The following TULP4 variants were observed in gnomAD, a reference collection of about 807,000 sequenced individuals.
The protein encoded by TULP4 is tubby-related protein 4.
Under a neutral mutation model 129.0 loss-of-function variants are expected in TULP4, and 16 were observed. That is an observed-to-expected ratio of 0.12 (90% confidence interval 0.08 to 0.19). TULP4 has a LOEUF of 0.19. Ranked by LOEUF, TULP4 falls within the 10% of genes least tolerant of loss-of-function variation. The pLI, the probability that TULP4 is intolerant of heterozygous loss-of-function variation, is 1.00. For synonymous variants in TULP4, 998 were observed against 854.0 expected, an observed-to-expected ratio of 1.17 and a Z score of -2.94; for missense variants, 1,842 against 2,059.1, an observed-to-expected ratio of 0.89 and a Z score of 2.04.
At chr6:158,405,283 G>A (rs1011588053) in intron 1 of TULP4, among the ~76,000 whole-genome samples, 2 of 152,184 alleles carry the variant, frequency 1.3e-5, no homozygotes, top group Non-Finnish European at 2.9e-5. Context: ...CACCTGTTGG[G>A]GTGATCAGAC....
At chr6:158,499,441 T>C (rs1780398902) in intron 12 of TULP4, among the ~76,000 whole-genome samples, 1 of 152,258 alleles carries the variant, frequency 6.6e-6, no homozygotes, top group South Asian at 2.1e-4. Flanking sequence ...CATAGCATCT[T>C]AAGTTAATGT....
intron 3 of TULP4, among the ~76,000 whole-genome samples, chr6:158,433,132 C>A (rs1204859426): frequency 6.6e-6 from 1 of 152,128 alleles, no homozygotes; most frequent in Non-Finnish European, 1.5e-5. Flanking sequence ...GTCTTTTAGT[C>A]TAGAACAGTT....
intron 1 of TULP4, among the ~76,000 whole-genome samples, chr6:158,387,538 C>A (rs563793668): frequency 6.6e-6 from 1 of 152,248 alleles, no homozygotes; most frequent in South Asian, 2.1e-4. Context: ...ATAGTTTTTT[C>A]TTATGCTGAC....
At chr6:158,267,861 T>A (rs1220684300) in intron 1 of TULP4, among the ~76,000 whole-genome samples, 2 of 152,148 alleles carry the variant, frequency 1.3e-5, no homozygotes, top group Non-Finnish European at 2.9e-5. Flanking sequence ...CTGGCTGAAT[T>A]AAGGCTCTTG....
intron 1 of TULP4, among the ~76,000 whole-genome samples, chr6:158,349,851 T>C (rs1583781888): frequency 1.7e-5 from 2 of 118,458 alleles, no homozygotes; most frequent in African/African-American, 3.3e-5. Context: ...GAGGCGCTCC[T>C]CACCTCCCAG....
At chr6:158,241,591 G>T (rs1244605482) in intron 1 of TULP4, among the ~76,000 whole-genome samples, 5 of 151,984 alleles carry the variant, frequency 3.3e-5, no homozygotes, top group Non-Finnish European at 7.4e-5. Context: ...AAACCAGTCA[G>T]GCGTGAAATT....
intron 6 of TULP4, among the ~76,000 whole-genome samples, chr6:158,463,465 G>A (rs1263902483): frequency 6.6e-6 from 1 of 151,826 alleles, no homozygotes; most frequent in Non-Finnish European, 1.5e-5. Context: ...TGTGTCCTAG[G>A]AAGGGGAACA....
chr6:158,293,800 C>T (rs967944100), intron 1 of TULP4, among the ~76,000 whole-genome samples: 2 of 152,176 alleles, frequency 1.3e-5, no homozygotes, highest in African/African-American at 2.4e-5. Context: ...AATGATAACA[C>T]AATAAATATA....
intron 1 of TULP4, among the ~76,000 whole-genome samples, chr6:158,284,191 G>A (rs1188708899): frequency 3.3e-5 from 5 of 152,190 alleles, no homozygotes; most frequent in Non-Finnish European, 7.3e-5. Context: ...GAAGGCCGGG[G>A]CCTGGGACTC....
chr6:158,299,593 A>T (rs557523737), intron 1 of TULP4, among the ~76,000 whole-genome samples: 2 of 152,284 alleles, frequency 1.3e-5, no homozygotes, highest in Non-Finnish European at 2.9e-5. Context: ...GGATACAACC[A>T]GGTGCATGTC....
intron 1 of TULP4, among the ~76,000 whole-genome samples, chr6:158,287,579 A>G (rs543340770): frequency 6.6e-6 from 1 of 152,356 alleles, no homozygotes; most frequent in East Asian, 1.9e-4. Context: ...AATATGGTGT[A>G]GAATTGAATG....
intron 1 of TULP4, among the ~76,000 whole-genome samples, chr6:158,296,252 C>T (rs574887165): frequency 6.6e-6 from 1 of 152,178 alleles, no homozygotes; most frequent in South Asian, 2.1e-4. Flanking sequence ...GCCTCGATTT[C>T]CTGGGCTCAA....
At chr6:158,401,803 C>T (rs1423025018) in intron 1 of TULP4, among the ~76,000 whole-genome samples, 1 of 151,896 alleles carries the variant, frequency 6.6e-6, no homozygotes, top group Non-Finnish European at 1.5e-5. Context: ...TACAACACCT[C>T]CTCACTTTTT....
chr6:158,430,256 T>C (rs914118830), intron 3 of TULP4, among the ~76,000 whole-genome samples: 5 of 152,098 alleles, frequency 3.3e-5, no homozygotes, highest in African/African-American at 9.7e-5. Flanking sequence ...TATTGCTACA[T>C]CGTAAGACAA....
At chr6:158,239,061 C>CA (rs1777789859) in intron 1 of TULP4, among the ~76,000 whole-genome samples, 2 of 86,414 alleles carry the variant, frequency 2.3e-5, no homozygotes, top group African/African-American at 3.6e-5. Context: ...GGGGGGCTGA[C>CA]CCCCCCACCT....
At chr6:158,371,546 A>G (rs1422085574) in intron 1 of TULP4, among the ~76,000 whole-genome samples, 1 of 152,244 alleles carries the variant, frequency 6.6e-6, no homozygotes, top group East Asian at 1.9e-4. Flanking sequence ...CTCAGTGGTC[A>G]TTTTTAGAAA....
intron 2 of TULP4, among the ~76,000 whole-genome samples, chr6:158,416,793 C>T (rs999062465): frequency 1.3e-5 from 2 of 152,194 alleles, no homozygotes; most frequent in African/African-American, 4.8e-5. Flanking sequence ...CTGCAAGCTC[C>T]ATTCATGGTA....
chr6:158,329,054 A>G (rs774614313), intron 1 of TULP4, among the ~76,000 whole-genome samples: 17 of 152,234 alleles, frequency 1.1e-4, no homozygotes, highest in Non-Finnish European at 5.9e-5. Flanking sequence ...TGGTGTTTCC[A>G]GTTGGGTCCA....
chr6:158,285,127 G>T (rs1003205325), intron 1 of TULP4, among the ~76,000 whole-genome samples: 5 of 152,132 alleles, frequency 3.3e-5, no homozygotes, highest in African/African-American at 1.2e-4. Flanking sequence ...TTTCATGTAT[G>T]TGAATTTCCC....
Sources: allele counts gnomAD v4.1 joint callset (sites outside exome capture counted in the v4.1 genomes callset), GRCh38; gene constraint gnomAD v4.1.1; transcripts MANE v1.5; gene names NCBI Gene and HGNC (gene_info 2026-07-23, HGNC 2026-07-21).